FAAH2: variants seen among roughly 807,000 people sequenced by gnomAD.
FAAH2 encodes the protein fatty acid amide hydrolase 2.
FAAH2 carries 60 observed loss-of-function variants against 36.9 expected under a neutral mutation model. That is an observed-to-expected ratio of 1.63 (90% confidence interval 1.32 to 2.02). The LOEUF is 2.02. FAAH2 is among the 30% of genes most tolerant of loss of function. The pLI is 0.00. For missense variants in FAAH2, 689 were observed against 397.5 expected, an observed-to-expected ratio of 1.73 and a Z score of -6.23; for synonymous variants, 214 against 143.8, an observed-to-expected ratio of 1.49 and a Z score of -3.49.
At chrX:57,316,198 C>A (rs905328106) in intron 3 of FAAH2, among the ~76,000 whole-genome samples, 1 of 111,236 alleles carries the variant, frequency 9.0e-6, no homozygotes, top group Non-Finnish European at 1.9e-5. Flanking sequence ...TCTACGAGAA[C>A]TGCAGAACAC....
At chrX:57,364,584 T>G (rs2054367505) in intron 5 of FAAH2, among the ~76,000 whole-genome samples, 1 of 109,520 alleles carries the variant, frequency 9.1e-6, no homozygotes, top group African/African-American at 3.3e-5. Context: ...TTTAGTTATT[T>G]CTTTTTAAAT....
the FAAH2 span, among the ~76,000 whole-genome samples, chrX:57,161,599 C>T: frequency 8.9e-6 from 1 of 111,746 alleles, no homozygotes; most frequent in African/African-American, 3.3e-5. Flanking sequence ...GAATTGATCC[C>T]TTTACCGTTA....
chrX:57,452,537 T>C (rs1242008644), intron 10 of FAAH2, among the ~76,000 whole-genome samples: 8 of 112,913 alleles, frequency 7.1e-5, no homozygotes, highest in African/African-American at 1.3e-4. Flanking sequence ...TGCTATATTG[T>C]TAGCTCTTCA....
intron 3 of FAAH2, among the ~76,000 whole-genome samples, chrX:57,319,383 A>C (rs2052944484): frequency 8.9e-6 from 1 of 111,944 alleles, no homozygotes; most frequent in Admixed American, 9.5e-5. Flanking sequence ...AATAGTAGAC[A>C]AAAAGAGAGC....
intron 8 of FAAH2, among the ~76,000 whole-genome samples, chrX:57,443,410 A>G (rs981497707): frequency 1.8e-5 from 2 of 112,047 alleles, no homozygotes; most frequent in Admixed American, 1.9e-4. Context: ...CGGCTACTGA[A>G]GGTTGTGCAT....
At chrX:57,309,500 T>A (rs1338499254) in intron 2 of FAAH2, among the ~76,000 whole-genome samples, 2 of 111,940 alleles carry the variant, frequency 1.8e-5, no homozygotes, top group East Asian at 5.6e-4. Context: ...ATATGCAGGA[T>A]GTGCAGGTTT....
intron 7 of FAAH2, chrX:57,394,266 C>A (rs2055238448): frequency 1.2e-6 from 1 of 834,706 alleles, no homozygotes; most frequent in African/African-American, 2.0e-5. Context: ...AGGGCTTGCA[C>A]CAGCCCGATT....
At chrX:57,468,986 T>A (rs1170778311) in intron 10 of FAAH2, among the ~76,000 whole-genome samples, 1 of 111,470 alleles carries the variant, frequency 9.0e-6, no homozygotes, top group Non-Finnish European at 1.9e-5. Flanking sequence ...GAATTTCATA[T>A]CCAGCCAAAC....
chrX:57,230,166 G>T, the FAAH2 span, among the ~76,000 whole-genome samples: 1 of 112,051 alleles, frequency 8.9e-6, no homozygotes, highest in South Asian at 3.7e-4. Flanking sequence ...AACCTTCTGG[G>T]TATAACTTCT....
At chrX:57,434,260 G>A (rs2056364449) in intron 8 of FAAH2, among the ~76,000 whole-genome samples, 1 of 108,606 alleles carries the variant, frequency 9.2e-6, no homozygotes, top group Non-Finnish European at 1.9e-5. Context: ...ATTTTTAGTA[G>A]AGATGGGGTT....
chrX:57,476,899 G>T (rs1257842630), intron 10 of FAAH2, among the ~76,000 whole-genome samples: 1 of 109,392 alleles, frequency 9.1e-6, no homozygotes, highest in Non-Finnish European at 1.9e-5. Flanking sequence ...TCTATTCAGG[G>T]TTTCTAATTC....
the FAAH2 span, among the ~76,000 whole-genome samples, chrX:57,206,765 C>A: frequency 1.8e-5 from 2 of 112,215 alleles, no homozygotes; most frequent in East Asian, 5.6e-4. Context: ...CAGGAGAAGG[C>A]AGTCCTGGCT....
the FAAH2 span, among the ~76,000 whole-genome samples, chrX:57,245,165 G>A: frequency 1.8e-5 from 2 of 111,738 alleles, no homozygotes; most frequent in South Asian, 7.5e-4. Context: ...AGGGATCAAT[G>A]CAACAAGAAG....
chrX:57,449,235 G>A (rs2056739841), intron 10 of FAAH2, among the ~76,000 whole-genome samples: 1 of 111,857 alleles, frequency 8.9e-6, no homozygotes, highest in Non-Finnish European at 1.9e-5. Context: ...AAGTCTAAAG[G>A]CCCCTGGACA....
intron 10 of FAAH2, chrX:57,452,305 A>T (rs931765828): frequency 2.3e-5 from 17 of 753,385 alleles, no homozygotes; most frequent in Non-Finnish European, 2.7e-5. Flanking sequence ...CAAGATTTAT[A>T]TGTCAGGTTT....
At chrX:57,368,146 C>A (rs370877004) in intron 5 of FAAH2, among the ~76,000 whole-genome samples, 3 of 110,928 alleles carry the variant, frequency 2.7e-5, no homozygotes, top group East Asian at 5.7e-4. Context: ...GTCTACCATA[C>A]CCCAACCCTG....
chrX:57,237,080 C>T, the FAAH2 span, among the ~76,000 whole-genome samples: 3 of 111,349 alleles, frequency 2.7e-5, no homozygotes, highest in Non-Finnish European at 5.7e-5. Flanking sequence ...ATATGGATAT[C>T]CAGTTTTTCC....
chrX:57,398,619 G>A (rs1287663910), intron 7 of FAAH2, among the ~76,000 whole-genome samples: 3 of 110,367 alleles, frequency 2.7e-5, no homozygotes, highest in African/African-American at 9.9e-5. Context: ...GTGACCCAAA[G>A]GGGGTTGTCG....
At chrX:57,465,976 T>C (rs991016648) in intron 10 of FAAH2, among the ~76,000 whole-genome samples, 2 of 109,486 alleles carry the variant, frequency 1.8e-5, no homozygotes, top group South Asian at 7.8e-4. Context: ...AAAAATGGAA[T>C]GAAGACTACT....
Sources: gnomAD v4.1 joint callset for allele counts (sites outside exome capture counted in the v4.1 genomes callset) on GRCh38, gnomAD v4.1.1 for gene constraint, MANE v1.5 for transcripts, NCBI Gene and HGNC (gene_info 2026-07-23, HGNC 2026-07-21) for gene names.